DDX23: variants seen among roughly 807,000 people sequenced by gnomAD.
The protein encoded by DDX23 is DEAD-box helicase 23.
DDX23 carries 33 observed loss-of-function variants against 102.7 expected under a neutral mutation model. That is an observed-to-expected ratio of 0.32 (90% confidence interval 0.24 to 0.43). The LOEUF is 0.43. Among genes scored for constraint, DDX23 ranks in the 20% least tolerant of loss-of-function variants. DDX23 has a pLI of 1.00. For synonymous variants in DDX23, 352 were observed against 376.0 expected (o/e 0.94, Z 0.74); for missense variants, 549 against 1,086.6 (o/e 0.51, Z 6.96).
intron 5 of DDX23, among the ~76,000 whole-genome samples, chr12:48,838,283 G>T (rs1443950366): frequency 6.6e-6 from 1 of 152,198 alleles, no homozygotes; most frequent in Non-Finnish European, 1.5e-5. Context: ...GGACGTGGTG[G>T]CACATGCCTG....
intron 12 of DDX23, among the ~76,000 whole-genome samples, chr12:48,834,117 T>C (rs1394222694): frequency 6.6e-6 from 1 of 152,204 alleles, no homozygotes; most frequent in Non-Finnish European, 1.5e-5. Flanking sequence ...CTCTCATACA[T>C]TATTGTGAGA....
intron 5 of DDX23, 142 bp from the exon 6 acceptor site, chr12:48,838,222 G>T: frequency 8.2e-7 from 1 of 1,213,442 alleles, no homozygotes; most frequent in African/African-American, 1.5e-5. Context: ...CCTTGGACTC[G>T]GTTATGGACT....
intron 12 of DDX23, 98 bp from the exon 13 acceptor site, chr12:48,833,617 G>A: frequency 6.9e-7 from 1 of 1,449,452 alleles, no homozygotes; most frequent in African/African-American, 1.4e-5. Flanking sequence ...CTCCAATGCT[G>A]AGGAACTTGG....
Position 48,837,300 on chromosome 12 carries a change from A to C in DDX23, c.847T>G (p.Ser283Ala). 1 of 1,614,008 alleles carries C rather than the reference A, an allele frequency of 6.2e-7. No homozygotes were observed. Among genetic ancestry groups the C allele is most frequent in the Non-Finnish European group, 8.5e-7 (1 of 1,179,990 alleles). ...ACTCACAGGGGGTTGTAGTCAATGG[A>C]TGTGTCCTCAGATGCATCCCACTCA... ...VFEWDASEDT[S>A]IDYNPLYKER... Residue 283 changes from serine to alanine, a missense_variant, in exon 8 of 17, where the codon TCC (serine) becomes GCC (alanine). Ser to Ala is a moderately conservative substitution (Grantham distance 99). This residue lies in a region of DDX23 where 270 missense variants were observed against 707.0 expected (regional missense o/e 0.38). Coordinates refer to ENST00000308025, the MANE Select transcript of DDX23 (RefSeq NM_004818.3).
At chr12:48,843,090 T>C (rs1338702574) in intron 3 of DDX23, among the ~76,000 whole-genome samples, 2 of 150,022 alleles carry the variant, frequency 1.3e-5, no homozygotes, top group Non-Finnish European at 3.0e-5. Flanking sequence ...AAACAGATGC[T>C]TGAAGGCAGC....
At chr12:48,845,918 G>A in intron 1 of DDX23, 136 bp from the exon 2 acceptor site, 1 of 970,488 alleles carries the variant, frequency 1.0e-6, no homozygotes, top group Non-Finnish European at 1.5e-6. Context: ...GAACGGTGGA[G>A]CTCAGGTATA....
chr12:48,848,427 G>A (rs1938704313), intron 1 of DDX23, among the ~76,000 whole-genome samples: 1 of 152,208 alleles, frequency 6.6e-6, no homozygotes, highest in Non-Finnish European at 1.5e-5. Context: ...ATGATGGGTA[G>A]GGGTATAACA....
In DDX23 at chr12:48,831,227, C is replaced by T; in HGVS notation, c.2154G>A (p.Leu718=). ...CACGACCAGCCACATCTGTAGCCAC[C>T]AAAATATCCTTGGCCCCAGCCTTGA... ...SNLKAGAKDI[L]VATDVAGRGI... is the part of the protein sequence containing the mutation. Residue 718 remains leucine, a synonymous_variant, in exon 16 of 17, where the codon TTG becomes TTA. Transcript: ENST00000308025. 6.2e-7 allele frequency: 1 copy of T among 1,614,226 alleles called. No individual in the cohort carries two copies. Among genetic ancestry groups the T allele is most frequent in the Non-Finnish European group, 8.5e-7 (1 of 1,180,044 alleles).
chr12:48,837,432 GC>G, intron 7 of DDX23, 39 bp from the exon 8 acceptor site: 1 of 1,612,418 alleles, frequency 6.2e-7, no homozygotes, highest in Non-Finnish European at 8.5e-7. Flanking sequence ...GAGCTTTGAG[GC>G]CCAATTCTCA....
At chr12:48,846,592 T>C (rs1399082488) in intron 1 of DDX23, among the ~76,000 whole-genome samples, 1 of 152,214 alleles carries the variant, frequency 6.6e-6, no homozygotes, top group Non-Finnish European at 1.5e-5. Flanking sequence ...ACACTTTTAC[T>C]CAGATTAAAA....
At position 48,837,052 on chromosome 12, in the gene DDX23, G is replaced by A. The variant is rs751689445; in HGVS notation, c.867-15C>T. On this transcript the variant is annotated splice_polypyrimidine_tract_variant and intron_variant, in intron 8 of 16. Transcript: ENST00000308025. ...GTTCTTTGTACCTGGGATTGAGATA[G>A]AGGAAAAGAAAAAAGAAGGAGCTGT... The A allele has an allele frequency of 9.9e-6, 16 of 1,612,294 alleles. 1 individual carries two copies. The African/African-American group carries it at 2.0e-4, about 20-fold the overall frequency.
At position 48,836,013 on chromosome 12, in the gene DDX23, G is replaced by A. The variant is rs776782732; in HGVS notation, c.1382+108C>T. 57 of 1,258,070 alleles carry A rather than the reference G, an allele frequency of 4.5e-5. No individual in the cohort carries two copies. The highest frequency in any genetic ancestry group is 6.1e-5 in the Non-Finnish European group (54 of 892,238). 77.9% of individuals were successfully genotyped at this position (1,258,070 alleles called of 1,614,324 possible). On this transcript the variant is annotated intron_variant, in intron 11 of 16. Coordinates refer to ENST00000308025, the MANE Select transcript of DDX23 (RefSeq NM_004818.3). The surrounding 1 kb of genome is among the most constrained non-coding windows in gnomAD (Gnocchi z 6.1). ...TCCCTAATATCCAACAAAGAATAAA[G>A]AAGAAAGCTTCTGATTATAGACGTA... is the stretch of plus-strand genomic sequence containing the variant.
At chr12:48,831,007 TG>T in intron 16 of DDX23, 134 bp downstream of exon 16, 1 of 1,026,948 alleles carries the variant, frequency 9.7e-7, no homozygotes, top group Non-Finnish European at 1.5e-6. Context: ...GTGCTTCTCA[TG>T]GGAGCAAGCA....
At chr12:48,839,556 C>G in intron 5 of DDX23, 1 of 149,086 alleles carries the variant, frequency 6.7e-6, no homozygotes, top group East Asian at 1.2e-4. Context: ...GAGACTCTGT[C>G]TCAAAAAAAA....
intron 11 of DDX23, chr12:48,835,203 C>A: frequency 4.2e-6 from 1 of 238,798 alleles, no homozygotes; most frequent in South Asian, 4.3e-5. Flanking sequence ...GATCACACCA[C>A]TGCACTCCAG....
At chr12:48,839,580 A>G (rs1938515890) in intron 5 of DDX23, 1 of 293,246 alleles carries the variant, frequency 3.4e-6, no homozygotes, top group Admixed American at 4.7e-5. Context: ...AAAAAAAAAA[A>G]AAAAGGGCCT....
rs1225871697 is a variant in DDX23, at chr12:48,837,014, T to G, written c.890A>C (p.Gln297Pro). 1 of 1,613,804 alleles carries G rather than the reference T, an allele frequency of 6.2e-7. No individual in the cohort carries two copies. The highest frequency in any genetic ancestry group is 2.2e-5 in the East Asian group (1 of 44,876). The stretch of plus-strand genomic sequence containing the variant: ...TGCAATGAAGCCTCGCCCTAACAAC[T>G]GCACCTGGTGCCGTTCTTTGTACCT... ...NPLYKERHQV[Q>P]LLGRGFIAGI... Residue 297 changes from glutamine (Q) to proline (P), a missense_variant, in exon 9 of 17, where the codon CAG becomes CCG. Gln to Pro is a moderately conservative substitution (Grantham distance 76). Transcript: ENST00000308025.
rs1340287672 is a variant in DDX23, at chr12:48,848,081, C to G, written c.1-2299G>C. On this transcript the variant is annotated intron_variant, in intron 1 of 16. Transcript: ENST00000308025. ...CGGGCAGATCAAGAGGTCAGGAGATCAAGACCATCCTGGCTAACAGGGTGA... is the reference window on the plus strand; with the variant it reads ...CGGGCAGATCAAGAGGTCAGGAGATGAAGACCATCCTGGCTAACAGGGTGA... 5.3e-5 allele frequency among the ~76,000 whole-genome samples: 8 copies of G among 152,130 alleles called. No homozygotes were observed. The East Asian group carries it at 1.5e-3, about 29-fold the overall frequency.
chr12:48,848,023 C>T (rs1475450499), intron 1 of DDX23, among the ~76,000 whole-genome samples: 2 of 151,978 alleles, frequency 1.3e-5, no homozygotes, highest in Non-Finnish European at 2.9e-5. Context: ...TGGTGGCTCA[C>T]GCCTATAATC....
Sources: gnomAD v4.1 joint callset for allele counts (sites outside exome capture counted in the v4.1 genomes callset) on GRCh38, gnomAD v4.1.1 for gene constraint, gnomAD v4.1.1 regional missense constraint, Gnocchi (gnomAD v3.1) non-coding constraint, MANE v1.5 for transcripts, NCBI Gene and HGNC (gene_info 2026-07-23, HGNC 2026-07-21) for gene names.